Variants in RAB27B observed in about 807,000 individuals in gnomAD.
The protein encoded by RAB27B is RAB27B, member RAS oncogene family.
Under a neutral mutation model 24.6 loss-of-function variants are expected in RAB27B, and 15 were observed. The ratio of observed to expected loss-of-function variants is 0.61; its 90% CI spans 0.41 to 0.94. The LOEUF is 0.94. RAB27B is among the 40% of genes least tolerant of loss of function. The pLI, the probability that RAB27B is intolerant of heterozygous loss-of-function variation, is 0.00. For missense variants in RAB27B, 261 were observed against 266.8 expected, an observed-to-expected ratio of 0.98 and a Z score of 0.15; for synonymous variants, 105 against 92.5, an observed-to-expected ratio of 1.14 and a Z score of -0.78.
chr18:54,857,347 T>G (rs1475412285), intron 1 of RAB27B, among the ~76,000 whole-genome samples: 2 of 152,220 alleles, frequency 1.3e-5, no homozygotes, highest in African/African-American at 4.8e-5. Context: ...TAAAGAGACC[T>G]ACGAATCATT....
In RAB27B at chr18:54,793,771, C is replaced by T. The variant is rs546608290; in HGVS notation, c.-20+75630C>T. ...AGTTTGAAAGTAATTAGAAGCCAGGCGTGGTGATACACGCCTGCAGTCCGA... is the reference window on the plus strand; with the variant it reads ...AGTTTGAAAGTAATTAGAAGCCAGGTGTGGTGATACACGCCTGCAGTCCGA... On this transcript the variant is annotated intron_variant, in intron 2 of 4. Transcript: ENST00000586570. 7.9e-5 allele frequency among the ~76,000 whole-genome samples: 12 copies of T among 152,272 alleles called. No homozygotes were observed. The East Asian group carries it at 1.9e-3, about 25-fold the overall frequency.
intron 2 of RAB27B, among the ~76,000 whole-genome samples, chr18:54,819,306 A>T (rs180820187): frequency 6.1e-4 from 90 of 148,424 alleles, no homozygotes; most frequent in African/African-American, 2.1e-3. Flanking sequence ...ATATAATAAA[A>T]AATAAAAAAT....
chr18:54,721,421 T>A (rs1233824750), intron 2 of RAB27B, among the ~76,000 whole-genome samples: 1 of 152,226 alleles, frequency 6.6e-6, no homozygotes, highest in Non-Finnish European at 1.5e-5. Flanking sequence ...ATTTCACAGA[T>A]GTTTAAATTG....
intron 2 of RAB27B, among the ~76,000 whole-genome samples, chr18:54,782,646 T>C (rs999249360): frequency 2.0e-5 from 3 of 152,202 alleles, no homozygotes; most frequent in South Asian, 2.1e-4. Context: ...AAAATTGTTA[T>C]TAAGACTGAA....
rs1040277491 is a variant in RAB27B, at chr18:54,890,510, T to C, written c.*1097T>C. The C allele has an allele frequency of 1.3e-5, 2 of 152,190 alleles. No individual in the cohort carries two copies. The highest frequency in any genetic ancestry group is 4.8e-5 in the African/African-American group (2 of 41,468). The allele number at this position is 152,190 out of a possible 1,614,324, so 9.4% of individuals were successfully genotyped here. On this transcript the variant is annotated 3_prime_UTR_variant, in exon 6 of 6. Coordinates refer to ENST00000262094, the MANE Select transcript of RAB27B (RefSeq NM_004163.4). ...TACAAAAGTACTGGAAACTAAATCA[T>C]ATTTCTTCCCTCCAAATTTCACCCA...
At chr18:54,783,481 T>TGTGTGTGTGTGTGTGTGTGTG (rs1908980504) in intron 2 of RAB27B, among the ~76,000 whole-genome samples, 4 of 149,674 alleles carry the variant, frequency 2.7e-5, no homozygotes, top group African/African-American at 9.8e-5. Context: ...GCCTATGGCT[T>TGTGTGTGTGTGTGTGTGTGTG]TGTGTGTGTG....
At position 54,867,442 on chromosome 18, in the gene RAB27B, C is replaced by CTTTTCTT. The variant is rs1555666326; in HGVS notation, c.-19-10121_-19-10120insCTTTTTT. Among the ~76,000 whole-genome samples the CTTTTCTT allele has an allele frequency of 2.2e-3, 217 of 98,816 alleles. 2 individuals carry two copies. The highest frequency in any genetic ancestry group is 5.2e-3 in the South Asian group (13 of 2,510). 64.8% of individuals were successfully genotyped at this position (98,816 alleles called of 152,430 possible). Reference sequence around the variant, plus strand: ...CTGATGCTTTCTTTTCTTTTCTTTTCTTTTTTTTTTTTTTTTTTTTCTGAG... The same window carrying CTTTTCTT: ...CTGATGCTTTCTTTTCTTTTCTTTTCTTTTCTTTTTTTTTTTTTTTTTTTTTTCTGAG... On this transcript the variant is annotated intron_variant, in intron 1 of 5. Transcript: ENST00000262094.
chr18:54,849,209 G>C (rs1911456565), intron 1 of RAB27B, among the ~76,000 whole-genome samples: 1 of 152,154 alleles, frequency 6.6e-6, no homozygotes, highest in African/African-American at 2.4e-5. Flanking sequence ...ATCTGTGAAG[G>C]GCTGTTTCAC....
rs929009960 is a variant in RAB27B at position 54,752,836 on chromosome 18, G to A, written c.-20+34695G>A. ...CATATTTATAGTTGCCTGCCTTGGG[G>A]AGTCTGCCCCTTTTTCCAAGCTATC... On this transcript the variant is annotated intron_variant, in intron 2 of 4. Transcript: ENST00000586570. Among the ~76,000 whole-genome samples, 8 of 152,136 alleles carry A rather than the reference G, an allele frequency of 5.3e-5. No individual in the cohort carries two copies. The East Asian group carries it at 5.8e-4, about 11-fold the overall frequency.
chr18:54,762,085 A>G (rs1369040573), intron 2 of RAB27B, among the ~76,000 whole-genome samples: 2 of 152,354 alleles, frequency 1.3e-5, no homozygotes, highest in East Asian at 1.9e-4. Flanking sequence ...TCTACAAGCC[A>G]AGGAACAACA....
rs1467995684 is a variant in RAB27B, at chr18:54,894,961, G to A, written c.*5548G>A. On this transcript the variant is annotated 3_prime_UTR_variant, in exon 6 of 6. Coordinates refer to ENST00000262094, the MANE Select transcript of RAB27B (RefSeq NM_004163.4). ...ATACATCTCATTATTGACAAAATAT[G>A]TCATCTTGTATTTATTTCAAGGAAA... 3 of 151,976 alleles carry A rather than the reference G, an allele frequency of 2.0e-5. No homozygotes were observed. Among genetic ancestry groups the A allele is most frequent in the African/African-American group, 7.2e-5 (3 of 41,418 alleles). The allele number at this position is 151,976 out of a possible 1,614,324, so 9.4% of individuals were successfully genotyped here.
intron 1 of RAB27B, among the ~76,000 whole-genome samples, chr18:54,856,621 G>A (rs577942573): frequency 7.7e-4 from 117 of 152,300 alleles, no homozygotes; most frequent in African/African-American, 2.7e-3. Flanking sequence ...AGTGAAAGTG[G>A]GTGCCACTAA....
chr18:54,773,392 C>T (rs917135146), intron 2 of RAB27B, among the ~76,000 whole-genome samples: 3 of 152,148 alleles, frequency 2.0e-5, no homozygotes, highest in Non-Finnish European at 4.4e-5. Context: ...TGAATTTGGC[C>T]TGGTTTTCCC....
upstream of RAB27B, among the ~76,000 whole-genome samples, chr18:54,823,548 C>T (rs1393611330): frequency 6.6e-6 from 1 of 152,198 alleles, no homozygotes; most frequent in African/African-American, 2.4e-5. Flanking sequence ...TTAAAGCTTA[C>T]AAATGCTGGT....
At chr18:54,807,023 C>A (rs1035979104) in intron 2 of RAB27B, among the ~76,000 whole-genome samples, 1 of 152,088 alleles carries the variant, frequency 6.6e-6, no homozygotes. Flanking sequence ...GCCTCAGTCT[C>A]CTGAGTAGCT....
chr18:54,874,172 G>T (rs1200176893), intron 1 of RAB27B, among the ~76,000 whole-genome samples: 13 of 152,122 alleles, frequency 8.5e-5, no homozygotes, highest in African/African-American at 2.9e-4. Context: ...TCTACAAGTG[G>T]GAAGTAATCT....
At chr18:54,795,385 A>G (rs548220637) in intron 2 of RAB27B, among the ~76,000 whole-genome samples, 17 of 152,312 alleles carry the variant, frequency 1.1e-4, no homozygotes, top group African/African-American at 4.1e-4. Context: ...CAGAAAGCCA[A>G]TCACTGAGAT....
intron 2 of RAB27B, among the ~76,000 whole-genome samples, chr18:54,816,105 A>G (rs1453597619): frequency 6.6e-6 from 1 of 152,242 alleles, no homozygotes; most frequent in African/African-American, 2.4e-5. Context: ...CTGTTTTAAT[A>G]TGCTTAAGTG....
intron 1 of RAB27B, among the ~76,000 whole-genome samples, chr18:54,835,371 G>A (rs903790260): frequency 2.6e-5 from 4 of 151,928 alleles, no homozygotes; most frequent in Admixed American, 6.5e-5. Context: ...TTCTTTAAGC[G>A]AACTAAAGAT....
Sources: allele counts gnomAD v4.1 joint callset (sites outside exome capture counted in the v4.1 genomes callset), GRCh38; gene constraint gnomAD v4.1.1; transcripts MANE v1.5; gene names NCBI Gene and HGNC (gene_info 2026-07-23, HGNC 2026-07-21).